SLC22A25: variants seen among roughly 807,000 people sequenced by gnomAD.
SLC22A25 encodes MGI:2442751, MGI:2385316, MGI:3042283, MGI:3645714, MGI:3605624, MGI:2442750.
SLC22A25 carries 44 observed loss-of-function variants against 45.9 expected under a neutral mutation model. That is an observed-to-expected ratio of 0.96 (90% CI 0.75 to 1.23). SLC22A25 has a LOEUF of 1.23. Among genes scored for constraint, SLC22A25 ranks in the 50% most tolerant of loss-of-function variants. The pLI is 0.00. For synonymous variants in SLC22A25, 283 were observed against 238.6 expected (o/e 1.19, Z -1.72); for missense variants, 800 against 666.4 (o/e 1.20, Z -2.21).
chr11:63,227,296 G>T (rs774674349), intron 5 of SLC22A25, among the ~76,000 whole-genome samples: 21 of 152,230 alleles, frequency 1.4e-4, no homozygotes, highest in Admixed American at 4.6e-4. Flanking sequence ...CAAGGTCAAT[G>T]ACATGTATTA....
At chr11:63,241,285 A>G (rs2090243905) in intron 1 of SLC22A25, among the ~76,000 whole-genome samples, 1 of 152,228 alleles carries the variant, frequency 6.6e-6, no homozygotes, top group African/African-American at 2.4e-5. Context: ...TCTGGAATTG[A>G]GCCACAGAAG....
At chr11:63,193,385 T>C (rs1219660425) in intron 7 of SLC22A25, among the ~76,000 whole-genome samples, 4 of 152,174 alleles carry the variant, frequency 2.6e-5, no homozygotes, top group African/African-American at 4.8e-5. Context: ...CACCTCCCAA[T>C]AGGGGCTGAC....
rs574485636 is a variant in SLC22A25 at position 63,218,598 on chromosome 11, A to G, written c.507-863T>C. On this transcript the variant is annotated intron_variant, in intron 5 of 11. Transcript: ENST00000306494. ...TCCTATGTACTTTAGCACACTAGAGAGTCTGTATAGTGGCTGGGAGGCAAG... is the reference window on the plus strand; with the variant it reads ...TCCTATGTACTTTAGCACACTAGAGGGTCTGTATAGTGGCTGGGAGGCAAG... Among the ~76,000 whole-genome samples, 562 of 152,340 alleles carry G rather than the reference A, an allele frequency of 3.7e-3. 5 individuals carry two copies. Among genetic ancestry groups the G allele is most frequent in the African/African-American group, 0.013 (529 of 41,578 alleles).
At chr11:63,190,530 C>G (rs1239492251) in intron 7 of SLC22A25, among the ~76,000 whole-genome samples, 2 of 152,124 alleles carry the variant, frequency 1.3e-5, no homozygotes, top group Non-Finnish European at 2.9e-5. Flanking sequence ...TCATCTGAAG[C>G]CTTCTTCTCT....
rs2087555642 is a variant in SLC22A25 at position 63,162,696 on chromosome 11, CT to C, written c.*1127del. 6.6e-6 allele frequency among the ~76,000 whole-genome samples: 1 copy of C among 151,912 alleles called. No homozygotes were observed. Among genetic ancestry groups the C allele is most frequent in the African/African-American group, 2.4e-5 (1 of 41,442 alleles). Reference sequence around the variant, plus strand: ...TTATACAAATGTTCTATTATGATTCCTTTTAAAGTGTTATGATTTTCTTCAA... The same window carrying C: ...TTATACAAATGTTCTATTATGATTCCTTTAAAGTGTTATGATTTTCTTCAA... On this transcript the variant is annotated 3_prime_UTR_variant, in exon 12 of 12. Coordinates refer to ENST00000306494, the MANE Select transcript of SLC22A25 (RefSeq NM_199352.6).
intron 9 of SLC22A25, among the ~76,000 whole-genome samples, chr11:63,177,876 G>A (rs868187688): frequency 1.8e-4 from 6 of 33,354 alleles, no homozygotes; most frequent in Admixed American, 6.2e-4. Context: ...TATATATAAT[G>A]TATATATATA....
chr11:63,208,467 A>G (rs2089467999), intron 7 of SLC22A25, among the ~76,000 whole-genome samples: 1 of 152,162 alleles, frequency 6.6e-6, no homozygotes, highest in African/African-American at 2.4e-5. Flanking sequence ...TTGGATCTGG[A>G]GACAGGAACT....
chr11:63,242,797 C>A (rs1378729464), intron 1 of SLC22A25, among the ~76,000 whole-genome samples: 1 of 152,130 alleles, frequency 6.6e-6, no homozygotes, highest in East Asian at 1.9e-4. Context: ...TGGCCCCAAC[C>A]CAAATAAGGT....
At position 63,229,352 on chromosome 11, in the gene SLC22A25, G is replaced by A. The variant is rs1482528041; in HGVS notation, c.301C>T (p.Leu101=). The part of the protein sequence containing the change: ...FVHPQWKLIH[L]NGTFPNTSEP... ...CTCGTGTTGGGGAAGGTCCCATTCA[G>A]ATGAATGAGCTTCCACTGGGGATGG... The change falls in exon 4 of 12, where the codon CTG becomes TTG. Residue 101 remains leucine, a synonymous_variant. Coordinates refer to ENST00000306494, the MANE Select transcript of SLC22A25 (RefSeq NM_199352.6). 6.2e-7 allele frequency: 1 copy of A among 1,613,970 alleles called. No homozygotes were observed. The highest frequency in any genetic ancestry group is 8.5e-7 in the Non-Finnish European group (1 of 1,179,898).
intron 3 of SLC22A25, among the ~76,000 whole-genome samples, chr11:63,235,377 C>G (rs375716147): frequency 6.6e-6 from 1 of 152,152 alleles, no homozygotes; most frequent in Non-Finnish European, 1.5e-5. Context: ...CTTCTCTTCA[C>G]GCTACATTTC....
Position 63,179,043 on chromosome 11 carries a change from C to T in SLC22A25, c.1070+1617G>A, listed in dbSNP as rs576079510. ...GTGGTGCAATCTTGGCTCACTGCAA[C>T]CTCCACTTCGTGGGTTGAAGCAATT... On this transcript the variant is annotated intron_variant, in intron 9 of 11. Transcript: ENST00000306494. Among the ~76,000 whole-genome samples, 324 of 152,110 alleles carry T rather than the reference C, an allele frequency of 2.1e-3. 11 individuals carry two copies. Among genetic ancestry groups the T allele is most frequent in the Admixed American group, 0.021 (317 of 15,254 alleles).
chr11:63,242,884 G>T (rs1160912490), intron 1 of SLC22A25, among the ~76,000 whole-genome samples: 2 of 152,124 alleles, frequency 1.3e-5, no homozygotes, highest in African/African-American at 2.4e-5. Context: ...GGGAAGCTCT[G>T]CTCGCCCACT....
rs770913411 is a variant in SLC22A25 at position 63,229,613 on chromosome 11, C to T, written c.40G>A (p.Gly14Arg). 2 of 1,610,838 alleles carry T rather than the reference C, an allele frequency of 1.2e-6. No homozygotes were observed. The highest frequency in any genetic ancestry group is 1.1e-5 in the South Asian group (1 of 91,022). The change falls in exon 4 of 12, where the codon GGG becomes AGG. Residue 14 changes from glycine to arginine, a missense_variant. Physicochemically the swap from Gly to Arg is moderately radical, Grantham distance 125. Transcript: ENST00000306494. ...ACCATCTGAAGGATCTGGAATCTCC[C>T]CAGGCCTCCAACTTGATCTAGGAGG... is the stretch of plus-strand genomic sequence containing the variant. ...QDLLDQVGGL[G>R]RFQILQMVFL...
At chr11:63,166,345 G>T (rs1261530583) in intron 9 of SLC22A25, 87 bp from the exon 10 acceptor site, 2 of 1,516,104 alleles carry the variant, frequency 1.3e-6, no homozygotes, top group African/African-American at 2.8e-5. Flanking sequence ...AGGTAGCCAA[G>T]GACTCTTTAA....
intron 7 of SLC22A25, among the ~76,000 whole-genome samples, chr11:63,189,398 T>G (rs1480734423): frequency 6.6e-6 from 1 of 152,206 alleles, no homozygotes; most frequent in African/African-American, 2.4e-5. Flanking sequence ...ATTTGCTTGG[T>G]AGATCTTCCT....
In SLC22A25 at chr11:63,229,385, G is replaced by A. The variant is rs372421446; in HGVS notation, c.268C>T (p.Arg90Cys). The A allele has an allele frequency of 3.7e-6, 6 of 1,614,000 alleles. No homozygotes were observed. Among genetic ancestry groups the A allele is most frequent in the Admixed American group, 1.7e-5 (1 of 59,996 alleles). Residue 90 changes from arginine to cysteine, a missense_variant, in exon 4 of 12, where the codon CGC becomes TGC. Physicochemically the swap from Arg to Cys is radical, Grantham distance 180 (BLOSUM62 -3). Transcript: ENST00000306494. ...AGCTTCCACTGGGGATGGACAAAGC[G>A]ACGACACTTCTCTGGCCTCAGATTT... is the stretch of plus-strand genomic sequence containing the variant. ...DSNLRPEKCR[R>C]FVHPQWKLIH...
Position 63,163,840 on chromosome 11 carries a change from C to T in SLC22A25, c.1628G>A (p.Arg543Lys), listed in dbSNP as rs760041363. ...AGCACAGACCTATAGCACAGAGCTC[C>T]TCTGAGGGGCAGCTAGGCTATTTAC... ...EGVNSLAAPQ[R>K]SSVL The change falls in exon 12 of 12, where the codon AGG (arginine) becomes AAG (lysine). Residue 543 changes from arginine to lysine, a missense_variant. Coordinates refer to ENST00000306494, the MANE Select transcript of SLC22A25 (RefSeq NM_199352.6). 8.1e-6 allele frequency: 13 copies of T among 1,613,340 alleles called. No individual in the cohort carries two copies. Among genetic ancestry groups the T allele is most frequent in the Non-Finnish European group, 1.1e-5 (13 of 1,179,656 alleles).
At chr11:63,164,874 T>TATC (rs2087626111) in intron 10 of SLC22A25, among the ~76,000 whole-genome samples, 1 of 152,170 alleles carries the variant, frequency 6.6e-6, no homozygotes, top group South Asian at 2.1e-4. Context: ...TCTCACTATA[T>TATC]ATCAGGGGTA....
rs527833196 is a variant in SLC22A25 at position 63,159,114 on chromosome 11, C to T, written c.*4710G>A. Among the ~76,000 whole-genome samples, 2 of 152,258 alleles carry T rather than the reference C, an allele frequency of 1.3e-5. No individual in the cohort carries two copies. The highest frequency in any genetic ancestry group is 2.1e-4 in the South Asian group (1 of 4,818). On this transcript the variant is annotated 3_prime_UTR_variant, in exon 12 of 12. Transcript: ENST00000306494. Reference sequence around the variant, plus strand: ...TTCTTTATTTTATGGCTGAATAGTACTTCATTGTGTATATGTACCACATTT... The same window carrying T: ...TTCTTTATTTTATGGCTGAATAGTATTTCATTGTGTATATGTACCACATTT...
Sources: gnomAD v4.1 joint callset for allele counts (sites outside exome capture counted in the v4.1 genomes callset) on GRCh38, gnomAD v4.1.1 for gene constraint, MANE v1.5 for transcripts, NCBI Gene and HGNC (gene_info 2026-07-23, HGNC 2026-07-21) for gene names.